Variants in SLITRK3 observed in about 807,000 individuals in gnomAD.
The protein encoded by SLITRK3 is SLIT and NTRK like family member 3, also known as SLIT and NTRK-like protein 3.
In SLITRK3, 16 loss-of-function variants were observed where a neutral mutation model predicts 63.6. The ratio of observed to expected loss-of-function variants is 0.25; its 90% confidence interval spans 0.17 to 0.38. SLITRK3 has a LOEUF of 0.38. SLITRK3 is among the 10% of genes least tolerant of loss of function. The probability of loss-of-function intolerance (pLI) is 1.00; values close to 1 mark genes in which losing one functional copy is unlikely to be tolerated. For synonymous variants in SLITRK3, 547 were observed against 451.6 expected, an observed-to-expected ratio of 1.21 and a Z score of -2.68; for missense variants, 1,117 against 1,181.4, an observed-to-expected ratio of 0.95 and a Z score of 0.80.
At chr3:165,191,053 T>A (rs959809807) in intron 1 of SLITRK3, among the ~76,000 whole-genome samples, 3 of 152,204 alleles carry the variant, frequency 2.0e-5, no homozygotes, top group Non-Finnish European at 4.4e-5. Flanking sequence ...TATTGAACCA[T>A]GCAGTGACAT....
At chr3:165,194,843 C>T (rs1662643604) in intron 1 of SLITRK3, among the ~76,000 whole-genome samples, 1 of 152,324 alleles carries the variant, frequency 6.6e-6, no homozygotes. Context: ...AAGGCTATCT[C>T]ACCTTTTTCC....
chr3:165,190,971 A>C (rs1270456881), intron 1 of SLITRK3, 120 bp from the exon 2 acceptor site: 6 of 652,164 alleles, frequency 9.2e-6, no homozygotes, highest in Admixed American at 6.2e-5. Context: ...TTGAAGTGAC[A>C]CTCAAGATGA....
At position 165,189,795 on chromosome 3, in the gene SLITRK3, A is replaced by T; in HGVS notation, c.1036T>A (p.Ser346Thr). Residue 346 changes from serine (S) to threonine (T), a missense_variant, in exon 2 of 2, where the codon TCC becomes ACC. Ser to Thr is a moderately conservative substitution (Grantham distance 58). Coordinates refer to ENST00000475390, the MANE Select transcript of SLITRK3 (RefSeq NM_001318810.2). The surrounding 1 kb of genome is among the most constrained non-coding windows in gnomAD (Gnocchi z 4.0). The stretch of plus-strand genomic sequence containing the variant: ...CCAGGATATAAAGCTTGGGAGGTGG[A>T]GGGTGGCCTTGGTGTTCGAGGCTGT... Reference protein sequence around the residue: ...TKQPRTPRPPSTSQALYPGPN... With the variant: ...TKQPRTPRPPTTSQALYPGPN... 6.2e-7 allele frequency: 1 copy of T among 1,614,046 alleles called. No individual in the cohort carries two copies. Among genetic ancestry groups the T allele is most frequent in the Non-Finnish European group, 8.5e-7 (1 of 1,180,000 alleles).
At chr3:165,191,241 T>C (rs1718214004) in intron 1 of SLITRK3, among the ~76,000 whole-genome samples, 1 of 152,256 alleles carries the variant, frequency 6.6e-6, no homozygotes, top group Admixed American at 6.5e-5. Context: ...AAAACTCATG[T>C]TGACATCAAA....
chr3:165,194,212 C>T (rs997860971), intron 1 of SLITRK3, among the ~76,000 whole-genome samples: 5 of 152,132 alleles, frequency 3.3e-5, no homozygotes, highest in African/African-American at 4.8e-5. Context: ...CTCAATTGCC[C>T]AAGGACTCAA....
At position 165,190,831 on chromosome 3, in the gene SLITRK3, C is replaced by A. The variant is rs780491999; in HGVS notation, c.-1G>T. ...GCATCTCAGCTATGGAAGGTTTCAT[C>A]GTTCGTGGTTGATTACAAAACTGCA... On this transcript the variant is annotated 5_prime_UTR_variant, in exon 2 of 2. Coordinates refer to ENST00000475390, the MANE Select transcript of SLITRK3 (RefSeq NM_001318810.2). 2 of 1,562,266 alleles carry A rather than the reference C, an allele frequency of 1.3e-6. No homozygotes were observed. The highest frequency in any genetic ancestry group is 1.4e-5 in the African/African-American group (1 of 72,510).
intron 1 of SLITRK3, among the ~76,000 whole-genome samples, chr3:165,195,205 C>A (rs1460130090): frequency 6.6e-6 from 1 of 152,148 alleles, no homozygotes; most frequent in African/African-American, 2.4e-5. Flanking sequence ...TGTCGTCAGG[C>A]GAAACGCACA....
chr3:165,190,242 A>G lies in SLITRK3; in HGVS notation c.589T>C (p.Ser197Pro). The change falls in exon 2 of 2, where the codon TCT (serine) becomes CCT (proline). Residue 197 changes from serine (S) to proline (P), a missense_variant. This residue lies in a region of SLITRK3 where 452 missense variants were observed against 495.3 expected (regional missense o/e 0.91). Coordinates refer to ENST00000475390, the MANE Select transcript of SLITRK3 (RefSeq NM_001318810.2). ...CCACGTAGGTCCAAATGGGTTAAAGAGACAGCCTTAAATAAATTGGTTGGA... is the reference window on the plus strand; with the variant it reads ...CCACGTAGGTCCAAATGGGTTAAAGGGACAGCCTTAAATAAATTGGTTGGA... ...MLPTNLFKAVSLTHLDLRGNR... is the reference protein window; with the variant it reads ...MLPTNLFKAVPLTHLDLRGNR... 1 of 1,614,202 alleles carries G rather than the reference A, an allele frequency of 6.2e-7. No individual in the cohort carries two copies. The highest frequency in any genetic ancestry group is 8.5e-7 in the Non-Finnish European group (1 of 1,180,036).
Position 165,186,860 on chromosome 3 carries a change from G to A in SLITRK3, c.*1037C>T, listed in dbSNP as rs1717972154. 1 of 152,482 alleles carries A rather than the reference G, an allele frequency of 6.6e-6. No homozygotes were observed. 9.4% of individuals were successfully genotyped at this position (152,482 alleles called of 1,614,324 possible). A position where few individuals can be genotyped will look rare whatever the true frequency, so the allele number is the denominator to read the frequency against. On this transcript the variant is annotated 3_prime_UTR_variant, in exon 2 of 2. Transcript: ENST00000475390. Reference sequence around the variant, plus strand: ...GCACATTTCTTTTGAATCTTTGTGTGTGAGAGAGAAAACATTAAAAGTGCT... The same window carrying A: ...GCACATTTCTTTTGAATCTTTGTGTATGAGAGAGAAAACATTAAAAGTGCT...
Position 165,189,409 on chromosome 3 carries a change from G to A in SLITRK3, c.1422C>T (p.Gly474=). The A allele has an allele frequency of 1.2e-6, 2 of 1,613,458 alleles. No individual in the cohort carries two copies. The highest frequency in any genetic ancestry group is 2.2e-5 in the South Asian group (2 of 91,080). Residue 474 remains glycine, a synonymous_variant, in exon 2 of 2, where the codon GGC becomes GGT. Coordinates refer to ENST00000475390, the MANE Select transcript of SLITRK3 (RefSeq NM_001318810.2). The surrounding 1 kb of genome is among the most constrained non-coding windows in gnomAD (Gnocchi z 4.0). ...NGNDIEKLTP[G]MFRGLQSLHY... is the part of the protein sequence containing the mutation. ...GCAAACTCTGTAGGCCTCGGAACAT[G>A]CCTGGTGTCAGCTTCTCTATATCGT...
chr3:165,190,646 T>A lies in SLITRK3; in HGVS notation c.185A>T (p.Asp62Val). 6.2e-7 allele frequency: 1 copy of A among 1,614,114 alleles called. No individual in the cohort carries two copies. Among genetic ancestry groups the A allele is most frequent in the Non-Finnish European group, 8.5e-7 (1 of 1,179,982 alleles). ...VKESLFHIHC[D>V]SKGFTNISQI... ...ACTAATATTTGTAAATCCTTTACTG[T>A]CACAATGTATATGAAAGAGGCTTTC... Residue 62 changes from aspartate to valine, a missense_variant, in exon 2 of 2, where the codon GAC becomes GTC. Coordinates refer to ENST00000475390, the MANE Select transcript of SLITRK3 (RefSeq NM_001318810.2).
chr3:165,188,120 TAG>T lies in SLITRK3; in HGVS notation c.2709_2710del (p.Tyr904TrpfsTer48). 6.2e-7 allele frequency: 1 copy of T among 1,613,362 alleles called. No homozygotes were observed. Among genetic ancestry groups the T allele is most frequent in the South Asian group, 1.1e-5 (1 of 91,032 alleles). On this transcript the variant is annotated frameshift_variant, in exon 2 of 2. Transcript: ENST00000475390. LOFTEE classifies it high-confidence loss of function. Reference sequence around the variant, plus strand: ...TTCCTTTAATTTGGGCACTGTTCCATAGAGACAGTCCACAAATCCCACTGTGC... The same window carrying T: ...TTCCTTTAATTTGGGCACTGTTCCATAGACAGTCCACAAATCCCACTGTGC...
Position 165,187,946 on chromosome 3 carries a change from G to A in SLITRK3, c.2885C>T (p.Thr962Ile), listed in dbSNP as rs1449074079. The A allele has an allele frequency of 2.0e-5, 32 of 1,613,886 alleles. No homozygotes were observed. Among genetic ancestry groups the A allele is most frequent in the Non-Finnish European group, 2.6e-5 (31 of 1,179,968 alleles). The change falls in exon 2 of 2, where the codon ACC (threonine) becomes ATC (isoleucine). Residue 962 changes from threonine (T) to isoleucine (I), a missense_variant. Thr to Ile is a moderately conservative substitution (Grantham distance 89). This residue lies in a region of SLITRK3 where 499 missense variants were observed against 463.6 expected (regional missense o/e 1.08). Transcript: ENST00000475390. ...CAGGACTTCGAGGTAATCCGGCTTG[G>A]TTTGAAGTTTGGCCCTTAACTCGAG... ...DYLELRAKLQ[T>I]KPDYLEVLEK...
chr3:165,189,296 T>C lies in SLITRK3; in HGVS notation c.1535A>G (p.Asn512Ser), dbSNP rs1356208540. ...LMPNLKLLFLNNNLLRTLPTD... is the reference protein window; with the variant it reads ...LMPNLKLLFLSNNLLRTLPTD... ...TGGCAGAGTCCTCAGTAAGTTATTA[T>C]TGAGGAATAGCAGCTTCAAGTTGGG... Residue 512 changes from asparagine (N) to serine (S), a missense_variant, in exon 2 of 2, where the codon AAT becomes AGT. Coordinates refer to ENST00000475390, the MANE Select transcript of SLITRK3 (RefSeq NM_001318810.2). The surrounding 1 kb of genome is among the most constrained non-coding windows in gnomAD (Gnocchi z 4.0). 4 of 1,614,118 alleles carry C rather than the reference T, an allele frequency of 2.5e-6. No homozygotes were observed. The highest frequency in any genetic ancestry group is 2.2e-5 in the South Asian group (2 of 91,082).
rs1718199635 is a variant in SLITRK3, at chr3:165,190,863, A to G, written c.-21-12T>C. The G allele has an allele frequency of 2.0e-6, 3 of 1,524,112 alleles. No homozygotes were observed. Among genetic ancestry groups the G allele is most frequent in the South Asian group, 1.3e-5 (1 of 75,448 alleles). The allele number at this position is 1,524,112 out of a possible 1,614,324, so 94.4% of individuals were successfully genotyped here. A position where few individuals can be genotyped will look rare whatever the true frequency, so the allele number is the denominator to read the frequency against. Reference sequence around the variant, plus strand: ...GGTTGATTACAAAACTGCAACAGAAATAAAAATGCAGATTTTTAGCTTTTA... The same window carrying G: ...GGTTGATTACAAAACTGCAACAGAAGTAAAAATGCAGATTTTTAGCTTTTA... On this transcript the variant is annotated splice_polypyrimidine_tract_variant and intron_variant, in intron 1 of 1. Transcript: ENST00000475390.
chr3:165,191,121 C>T (rs1021824128), intron 1 of SLITRK3, among the ~76,000 whole-genome samples: 4 of 152,200 alleles, frequency 2.6e-5, no homozygotes, highest in Non-Finnish European at 5.9e-5. Context: ...AAGCAGCCTG[C>T]ATTGCCTCTG....
Position 165,190,864 on chromosome 3 carries a change from T to TA in SLITRK3, c.-21-14dup. 6.6e-7 allele frequency: 1 copy of TA among 1,523,780 alleles called. No homozygotes were observed. Among genetic ancestry groups the TA allele is most frequent in the Non-Finnish European group, 8.8e-7 (1 of 1,138,210 alleles). 94.4% of individuals were successfully genotyped at this position (1,523,780 alleles called of 1,614,324 possible). ...GTTGATTACAAAACTGCAACAGAAATAAAAATGCAGATTTTTAGCTTTTAG... is the reference window on the plus strand; with the variant it reads ...GTTGATTACAAAACTGCAACAGAAATAAAAAATGCAGATTTTTAGCTTTTAG... On this transcript the variant is annotated splice_polypyrimidine_tract_variant and intron_variant, in intron 1 of 1. Coordinates refer to ENST00000475390, the MANE Select transcript of SLITRK3 (RefSeq NM_001318810.2).
chr3:165,194,612 G>C (rs1046752193), intron 1 of SLITRK3, among the ~76,000 whole-genome samples: 3 of 151,212 alleles, frequency 2.0e-5, no homozygotes, highest in East Asian at 2.0e-4. Flanking sequence ...GCCGGCACCC[G>C]CACCCTCCCC....
intron 1 of SLITRK3, among the ~76,000 whole-genome samples, chr3:165,193,922 A>G (rs1164254504): frequency 6.6e-6 from 1 of 152,172 alleles, no homozygotes; most frequent in Non-Finnish European, 1.5e-5. Context: ...AAGATATTGT[A>G]TTGTAGAGGG....
Sources: gnomAD v4.1 joint callset for allele counts (sites outside exome capture counted in the v4.1 genomes callset) on GRCh38, gnomAD v4.1.1 for gene constraint, gnomAD v4.1.1 regional missense constraint, Gnocchi (gnomAD v3.1) non-coding constraint, MANE v1.5 for transcripts, NCBI Gene and HGNC (gene_info 2026-07-23, HGNC 2026-07-21) for gene names.